The following NUB1 variants were observed in gnomAD, a reference collection of about 807,000 sequenced individuals.
NUB1 encodes negative regulator of ubiquitin like proteins 1.
NUB1 carries 41 observed loss-of-function variants against 77.1 expected under a neutral mutation model. That is an observed-to-expected ratio of 0.53 (90% confidence interval 0.41 to 0.69). The LOEUF (loss-of-function observed/expected upper bound fraction) is 0.69. Among genes scored for constraint, NUB1 ranks in the 30% least tolerant of loss-of-function variants. The pLI is 0.00. For synonymous variants in NUB1, 257 were observed against 281.0 expected (o/e 0.91, Z 0.85); for missense variants, 643 against 743.8 (o/e 0.86, Z 1.58).
At chr7:151,357,683 C>T (rs1797148738) in intron 7 of NUB1, among the ~76,000 whole-genome samples, 2 of 150,932 alleles carry the variant, frequency 1.3e-5, no homozygotes, top group African/African-American at 2.4e-5. Context: ...GATCTCAGCT[C>T]ACTGCAGCCT....
intron 1 of NUB1, among the ~76,000 whole-genome samples, chr7:151,344,965 A>C (rs887298779): frequency 1.3e-5 from 2 of 152,132 alleles, no homozygotes; most frequent in Non-Finnish European, 2.9e-5. Flanking sequence ...GCACCACTGC[A>C]CTCCAGCCTG....
chr7:151,344,297 A>G (rs938846007), intron 1 of NUB1, among the ~76,000 whole-genome samples: 6 of 150,688 alleles, frequency 4.0e-5, no homozygotes, highest in East Asian at 2.0e-4. Flanking sequence ...AAATTCTGAC[A>G]TAGAAAATAT....
rs765234879 is a variant in NUB1, at chr7:151,376,833, G to C, written c.1669+22G>C. ...GCAGGTAGGTCTGAGGTCTTTGAGG[G>C]CCGCATTGAGAGCAAAGTGTCTTCA... is the stretch of plus-strand genomic sequence containing the variant. On this transcript the variant is annotated intron_variant, in intron 14 of 14. Coordinates refer to ENST00000568733, the MANE Select transcript of NUB1 (RefSeq NM_001243351.2). 3.2e-6 allele frequency: 5 copies of C among 1,556,206 alleles called. No homozygotes were observed. In the South Asian group the frequency reaches 4.7e-5, roughly 15 times the overall value.
intron 8 of NUB1, among the ~76,000 whole-genome samples, chr7:151,365,836 T>A (rs1797648797): frequency 6.6e-6 from 1 of 152,162 alleles, no homozygotes; most frequent in African/African-American, 2.4e-5. Context: ...ACTGTGTACA[T>A]GGGCCCTCTT....
intron 7 of NUB1, among the ~76,000 whole-genome samples, chr7:151,356,600 G>A (rs1259274700): frequency 6.6e-6 from 1 of 152,156 alleles, no homozygotes; most frequent in African/African-American, 2.4e-5. Context: ...GTGTCGTTTG[G>A]GAAAAGTCCA....
chr7:151,363,024 C>T (rs565582446), intron 8 of NUB1, among the ~76,000 whole-genome samples: 4 of 152,330 alleles, frequency 2.6e-5, no homozygotes, highest in Non-Finnish European at 4.4e-5. Flanking sequence ...GTACCCTTAA[C>T]TTACCGTTTT....
chr7:151,347,422 A>AG (rs1478886596), intron 2 of NUB1, among the ~76,000 whole-genome samples: 1 of 151,340 alleles, frequency 6.6e-6, no homozygotes. Context: ...CTAAAAGAAA[A>AG]AAAAAGTATA....
At chr7:151,374,317 C>G in intron 12 of NUB1, 74 bp downstream of exon 12, 1 of 1,503,370 alleles carries the variant, frequency 6.7e-7, no homozygotes. Flanking sequence ...CCATGGCTCT[C>G]CAGCATCCTC....
intron 8 of NUB1, among the ~76,000 whole-genome samples, chr7:151,365,318 CT>C (rs11354135): frequency 0.77 from 109,376 of 141,694 alleles, 42,334 homozygotes; most frequent in East Asian, 0.98. Flanking sequence ...TCTTCTCTCT[CT>C]TTTTTTTTTT....
chr7:151,356,916 C>T (rs181331224), intron 7 of NUB1, among the ~76,000 whole-genome samples: 31 of 152,070 alleles, frequency 2.0e-4, no homozygotes, highest in Non-Finnish European at 3.5e-4. Context: ...AGGGTTTCTC[C>T]ATGTTGGTCA....
intron 3 of NUB1, among the ~76,000 whole-genome samples, chr7:151,349,450 T>G (rs1796683570): frequency 6.6e-6 from 1 of 152,234 alleles, no homozygotes; most frequent in Non-Finnish European, 1.5e-5. Flanking sequence ...CTCTTGGGCT[T>G]CTAAAATGCC....
chr7:151,367,440 T>C (rs749421176), intron 9 of NUB1, among the ~76,000 whole-genome samples: 5 of 152,180 alleles, frequency 3.3e-5, no homozygotes, highest in Middle Eastern at 3.2e-3. Context: ...AAGATGTAAA[T>C]GCAGAAAATA....
chr7:151,376,202 T>C (rs1315325946), intron 13 of NUB1: 1 of 491,484 alleles, frequency 2.0e-6, no homozygotes, highest in East Asian at 3.8e-5. Context: ...GCACCACTGT[T>C]TGCATCAGCC....
intron 1 of NUB1, 50 bp from the exon 2 acceptor site, chr7:151,345,298 C>A: frequency 8.3e-7 from 1 of 1,202,974 alleles, no homozygotes; most frequent in South Asian, 1.3e-5. Flanking sequence ...AAGTTATTAA[C>A]ATTTTAAAAT....
intron 9 of NUB1, among the ~76,000 whole-genome samples, chr7:151,367,484 T>TCA (rs1170655381): frequency 6.6e-6 from 1 of 152,196 alleles, no homozygotes; most frequent in South Asian, 2.1e-4. Context: ...CGTGAATGAG[T>TCA]CACAGCTCAA....
intron 7 of NUB1, among the ~76,000 whole-genome samples, chr7:151,357,051 C>G (rs192197319): frequency 1.0e-3 from 155 of 152,090 alleles, no homozygotes; most frequent in African/African-American, 3.5e-3. Flanking sequence ...GGGTCTTGCC[C>G]TGTCACCCAG....
At chr7:151,355,352 T>G (rs1797016040) in intron 5 of NUB1, among the ~76,000 whole-genome samples, 1 of 152,184 alleles carries the variant, frequency 6.6e-6, no homozygotes, top group African/African-American at 2.4e-5. Flanking sequence ...TTTTTACCAA[T>G]TATGTGGCGT....
chr7:151,371,985 G>A (rs1426116109), intron 11 of NUB1, among the ~76,000 whole-genome samples: 1 of 152,196 alleles, frequency 6.6e-6, no homozygotes, highest in Non-Finnish European at 1.5e-5. Context: ...TGGGATTACA[G>A]GTGTGAGCCA....
chr7:151,346,035 G>T (rs538172592), intron 2 of NUB1, among the ~76,000 whole-genome samples: 6 of 152,126 alleles, frequency 3.9e-5, no homozygotes, highest in Admixed American at 2.6e-4. Flanking sequence ...ACTCATTTTT[G>T]CCAGAAATCT....
Sources: allele counts gnomAD v4.1 joint callset (sites outside exome capture counted in the v4.1 genomes callset), GRCh38; gene constraint gnomAD v4.1.1; transcripts MANE v1.5; gene names NCBI Gene and HGNC (gene_info 2026-07-23, HGNC 2026-07-21).